WT1: variants seen among roughly 807,000 people sequenced by gnomAD.
WT1 encodes WT1 transcription factor.
Under a neutral mutation model 60.8 loss-of-function variants are expected in WT1, and 8 were observed. The ratio of observed to expected loss-of-function variants is 0.13; its 90% CI spans 0.08 to 0.24. The LOEUF (loss-of-function observed/expected upper bound fraction) is 0.24, where lower values mean the gene tolerates loss of function less well. Among genes scored for constraint, WT1 ranks in the 10% least tolerant of loss-of-function variants. WT1 has a pLI of 1.00. For synonymous variants in WT1, 312 were observed against 297.1 expected (o/e 1.05, Z -0.52); for missense variants, 568 against 711.8 (o/e 0.80, Z 2.30).
At chr11:32,412,202 G>A (rs527856719) in intron 5 of WT1, among the ~76,000 whole-genome samples, 1 of 152,278 alleles carries the variant, frequency 6.6e-6, no homozygotes, top group South Asian at 2.1e-4. Context: ...CATGTCTAGC[G>A]GGGATTTTCT....
chr11:32,390,673 G>A (rs1369184897), intron 9 of WT1, among the ~76,000 whole-genome samples: 1 of 152,082 alleles, frequency 6.6e-6, no homozygotes, highest in Non-Finnish European at 1.5e-5. Flanking sequence ...TTAAGGGCTG[G>A]CTCCTAATGG....
At chr11:32,424,942 C>T (rs1168375665) in intron 3 of WT1, among the ~76,000 whole-genome samples, 1 of 152,094 alleles carries the variant, frequency 6.6e-6, no homozygotes, top group Non-Finnish European at 1.5e-5. Context: ...CTTTTCGAGG[C>T]CAAGGTGGGC....
intron 9 of WT1, among the ~76,000 whole-genome samples, chr11:32,390,520 G>C (rs5030301): frequency 6.6e-6 from 1 of 152,184 alleles, no homozygotes; most frequent in Non-Finnish European, 1.5e-5. Flanking sequence ...CAGGTGCCTT[G>C]GCTCTGTTTT....
chr11:32,412,940 C>T (rs1852549547), intron 5 of WT1, among the ~76,000 whole-genome samples: 1 of 152,064 alleles, frequency 6.6e-6, no homozygotes, highest in Non-Finnish European at 1.5e-5. Context: ...AGCAAGTTTT[C>T]ATTTCATCTG....
In WT1 at chr11:32,435,534, C is replaced by T; in HGVS notation, c.-174G>A. ...CGCTGCCTTGAACTCCTTACCCCAG[C>T]TGCCTGGCTGCCCTCAGCTTCCCAA... is the stretch of plus-strand genomic sequence containing the variant. On this transcript the variant is annotated 5_prime_UTR_variant, in exon 1 of 10. Coordinates refer to ENST00000452863, the MANE Select transcript of WT1 (RefSeq NM_024426.6). 1 of 1,023,984 alleles carries T rather than the reference C, an allele frequency of 9.8e-7. No homozygotes were observed. The highest frequency in any genetic ancestry group is 1.4e-6 in the Non-Finnish European group (1 of 719,666). 63.4% of individuals were successfully genotyped at this position (1,023,984 alleles called of 1,614,324 possible). A position where few individuals can be genotyped will look rare whatever the true frequency, so the allele number is the denominator to read the frequency against.
Position 32,400,002 on chromosome 11 carries a change from G to A in WT1, c.1059C>T (p.Ile353=), listed in dbSNP as rs527655625. 5.6e-5 allele frequency: 90 copies of A among 1,614,248 alleles called. No homozygotes were observed. Among genetic ancestry groups the A allele is most frequent in the Admixed American group, 2.2e-4 (13 of 60,034 alleles). Residue 353 remains isoleucine, a synonymous_variant, in exon 6 of 10, where the codon ATC becomes ATT. Transcript: ENST00000452863. ...GTATTCTGTATTGGGCTCCGCAGAG[G>A]ATGGGCGTTGTGTGGTTATCGCTCT...
intron 5 of WT1, among the ~76,000 whole-genome samples, chr11:32,402,924 A>G (rs930217164): frequency 6.6e-6 from 1 of 152,196 alleles, no homozygotes; most frequent in African/African-American, 2.4e-5. Context: ...AAGGGTAAAA[A>G]TTAGAAATCT....
intron 3 of WT1, among the ~76,000 whole-genome samples, chr11:32,419,957 G>A (rs888418743): frequency 6.6e-6 from 1 of 152,310 alleles, no homozygotes; most frequent in East Asian, 1.9e-4. Flanking sequence ...GCCTCCCAAA[G>A]TGCTGAGATT....
intron 3 of WT1, among the ~76,000 whole-genome samples, chr11:32,427,676 T>C (rs1363802515): frequency 1.3e-5 from 2 of 152,222 alleles, no homozygotes; most frequent in African/African-American, 4.8e-5. Context: ...TTCCTCCCAG[T>C]AAAGACCTTC....
Position 32,388,093 on chromosome 11 carries a change from T to G in WT1, c.*965A>C, listed in dbSNP as rs1261307317. 8.5e-6 allele frequency: 2 copies of G among 236,144 alleles called. No individual in the cohort carries two copies. The highest frequency in any genetic ancestry group is 4.4e-5 in the African/African-American group (2 of 45,300). The allele number at this position is 236,144 out of a possible 1,614,324, so 14.6% of individuals were successfully genotyped here. The stretch of plus-strand genomic sequence containing the variant: ...CAGTAAGTCTCATTTTTTTCACATA[T>G]ACTTGTAGACCCAAAGGTCCTTAAG... On this transcript the variant is annotated 3_prime_UTR_variant, in exon 10 of 10. Transcript: ENST00000452863.
intron 5 of WT1, 97 bp downstream of exon 5, chr11:32,416,393 C>T (rs1402969078): frequency 2.0e-6 from 3 of 1,490,306 alleles, no homozygotes; most frequent in Admixed American, 3.3e-5. Context: ...AAATGCTACC[C>T]TGATTACCCA....
intron 3 of WT1, among the ~76,000 whole-genome samples, chr11:32,418,358 T>A (rs1288411418): frequency 1.3e-5 from 2 of 152,162 alleles, no homozygotes; most frequent in Non-Finnish European, 2.9e-5. Flanking sequence ...CAAAAAGCTG[T>A]TCTGTCCCCT....
chr11:32,396,567 C>T lies in WT1; in HGVS notation c.1114-160G>A, dbSNP rs73473740. Among the ~76,000 whole-genome samples the T allele has an allele frequency of 0.014, 2,113 of 152,298 alleles. 43 individuals are homozygous for T. The highest frequency in any genetic ancestry group is 0.048 in the African/African-American group (1,976 of 41,554). Reference sequence around the variant, plus strand: ...CACTCCAGATCCCCATGGCAGACATCAGTAATGGATGCTAGATCAGGACAT... The same window carrying T: ...CACTCCAGATCCCCATGGCAGACATTAGTAATGGATGCTAGATCAGGACAT... On this transcript the variant is annotated intron_variant, in intron 6 of 9. Transcript: ENST00000452863.
chr11:32,401,416 T>C (rs1381633713), intron 5 of WT1, among the ~76,000 whole-genome samples: 2 of 151,982 alleles, frequency 1.3e-5, no homozygotes, highest in Non-Finnish European at 1.5e-5. Flanking sequence ...CATACAACTG[T>C]GAATATACTA....
At chr11:32,405,203 T>C in intron 5 of WT1, among the ~76,000 whole-genome samples, 1 of 152,184 alleles carries the variant, frequency 6.6e-6, no homozygotes, top group East Asian at 1.9e-4. Context: ...CATCACCCTC[T>C]GACCAACAGA....
chr11:32,391,091 T>C (rs540431685), intron 9 of WT1, among the ~76,000 whole-genome samples: 26 of 152,222 alleles, frequency 1.7e-4, no homozygotes, highest in African/African-American at 6.3e-4. Context: ...CTAGTGAGCG[T>C]CCTACCTCAG....
At position 32,391,524 on chromosome 11, in the gene WT1, G is replaced by A. The variant is rs112004628; in HGVS notation, c.1447+448C>T. On this transcript the variant is annotated intron_variant, in intron 9 of 9. Transcript: ENST00000452863. ...TACTGGTCCAGCAGAAACCAAGACC[G>A]CTCCTGGTGCATTAACTTTTAACAG... Among the ~76,000 whole-genome samples, 110 of 152,296 alleles carry A rather than the reference G, an allele frequency of 7.2e-4. 1 individual carries two copies. The highest frequency in any genetic ancestry group is 2.5e-3 in the African/African-American group (104 of 41,544).
At chr11:32,398,442 C>T (rs933853611) in intron 6 of WT1, among the ~76,000 whole-genome samples, 5 of 152,184 alleles carry the variant, frequency 3.3e-5, no homozygotes, top group Admixed American at 6.5e-5. Context: ...ACGGAGGTGG[C>T]AGACCAAAAG....
At chr11:32,408,040 T>C (rs777856110) in intron 5 of WT1, among the ~76,000 whole-genome samples, 35 of 150,802 alleles carry the variant, frequency 2.3e-4, no homozygotes, top group Non-Finnish European at 1.9e-4. Context: ...CTGGCTAACA[T>C]GGTGAAAACT....
Sources: allele counts gnomAD v4.1 joint callset (sites outside exome capture counted in the v4.1 genomes callset), GRCh38; gene constraint gnomAD v4.1.1; transcripts MANE v1.5; gene names NCBI Gene and HGNC (gene_info 2026-07-23, HGNC 2026-07-21).